FUT8: variants seen among roughly 807,000 people sequenced by gnomAD.
FUT8 encodes alpha-(1,6)-fucosyltransferase.
FUT8 carries 29 observed loss-of-function variants against 71.3 expected under a neutral mutation model. The observed-to-expected ratio is 0.41, with a 90% CI of 0.30 to 0.55. FUT8 has a LOEUF of 0.55. FUT8 is among the 20% of genes least tolerant of loss of function. The pLI is 0.34. For missense variants in FUT8, 544 were observed against 702.1 expected, an observed-to-expected ratio of 0.77 and a Z score of 2.55; for synonymous variants, 254 against 239.3, an observed-to-expected ratio of 1.06 and a Z score of -0.57.
intron 6 of FUT8, among the ~76,000 whole-genome samples, chr14:65,663,471 CT>C (rs1342017235): frequency 9.2e-5 from 14 of 151,688 alleles, no homozygotes; most frequent in African/African-American, 3.4e-4. Flanking sequence ...TTTTCTGGAA[CT>C]TTTATGAGCA....
chr14:65,378,077 AC>A, the FUT8 span, among the ~76,000 whole-genome samples: 1 of 152,232 alleles, frequency 6.6e-6, no homozygotes. Flanking sequence ...ATCAGCTGTT[AC>A]TTATTATTTA....
chr14:65,428,935 A>G (rs2065428105), intron 1 of FUT8, among the ~76,000 whole-genome samples: 1 of 152,222 alleles, frequency 6.6e-6, no homozygotes, highest in Admixed American at 6.5e-5. Flanking sequence ...AGAAGAACGA[A>G]GGAAAGTGCA....
intron 9 of FUT8, 50 bp from the exon 10 acceptor site, chr14:65,733,181 T>A: frequency 8.3e-7 from 1 of 1,211,726 alleles, no homozygotes; most frequent in Non-Finnish European, 1.2e-6. Context: ...TGCCTTCTGA[T>A]AGGATACTGT....
intron 3 of FUT8, among the ~76,000 whole-genome samples, chr14:65,597,092 AT>A (rs1888020354): frequency 6.6e-6 from 1 of 152,238 alleles, no homozygotes; most frequent in East Asian, 1.9e-4. Context: ...TTATGGTACT[AT>A]TGTTATTTTC....
chr14:65,627,732 G>A lies in FUT8; in HGVS notation c.483-1760G>A, dbSNP rs11158604. 0.69 allele frequency among the ~76,000 whole-genome samples: 105,177 copies of A among 152,058 alleles called. 36,642 individuals carry two copies. The highest frequency in any genetic ancestry group is 0.89 in the East Asian group (4,594 of 5,178). ...AGTCTGCCATTTTGCCTCTTAGTAC[G>A]CGTTTGAGCCAACTCACACAACTCT... On this transcript the variant is annotated intron_variant, in intron 5 of 10. Coordinates refer to ENST00000673929, the MANE Select transcript of FUT8 (RefSeq NM_001371533.1). The surrounding 1 kb of genome is among the most constrained non-coding windows in gnomAD (Gnocchi z 4.0).
chr14:65,559,744 T>C (rs1216666602), intron 2 of FUT8, among the ~76,000 whole-genome samples: 1 of 152,150 alleles, frequency 6.6e-6, no homozygotes, highest in Non-Finnish European at 1.5e-5. Context: ...GCCCTGGATT[T>C]CTGTATTTTT....
At chr14:65,628,903 A>C (rs1446566771) in intron 5 of FUT8, among the ~76,000 whole-genome samples, 1 of 152,218 alleles carries the variant, frequency 6.6e-6, no homozygotes. Flanking sequence ...ATTCATTTGC[A>C]TATTATCTAT....
At chr14:65,457,078 G>C (rs1794097634) in intron 2 of FUT8, among the ~76,000 whole-genome samples, 1 of 152,000 alleles carries the variant, frequency 6.6e-6, no homozygotes, top group South Asian at 2.1e-4. Flanking sequence ...AGTCAACTAA[G>C]TAAGGTTAAC....
At chr14:65,549,659 T>C (rs1175624243) in intron 2 of FUT8, among the ~76,000 whole-genome samples, 2 of 152,358 alleles carry the variant, frequency 1.3e-5, no homozygotes, top group Middle Eastern at 3.4e-3. Context: ...TTTGCCTAAC[T>C]AATGATGATG....
intron 7 of FUT8, among the ~76,000 whole-genome samples, chr14:65,681,079 C>T (rs1338001138): frequency 6.6e-6 from 1 of 152,148 alleles, no homozygotes; most frequent in Non-Finnish European, 1.5e-5. Flanking sequence ...GTGATATTTC[C>T]CTCCAATTGT....
At chr14:65,497,827 A>G (rs2066582800) in intron 2 of FUT8, among the ~76,000 whole-genome samples, 1 of 152,116 alleles carries the variant, frequency 6.6e-6, no homozygotes, top group Non-Finnish European at 1.5e-5. Context: ...TTACTATAAA[A>G]TATGTCATAT....
chr14:65,650,799 T>G (rs1891370317), intron 6 of FUT8, among the ~76,000 whole-genome samples: 1 of 151,616 alleles, frequency 6.6e-6, no homozygotes. Context: ...TTCCTATATA[T>G]CCCAGCCAAG....
chr14:65,376,108 AAAAT>A, the FUT8 span, among the ~76,000 whole-genome samples: 2 of 151,700 alleles, frequency 1.3e-5, no homozygotes, highest in African/African-American at 2.4e-5. Context: ...AAAAAATAAT[AAAAT>A]AAATAAAATA....
intron 2 of FUT8, among the ~76,000 whole-genome samples, chr14:65,513,734 T>TC (rs1026929240): frequency 6.6e-6 from 1 of 151,952 alleles, no homozygotes. Flanking sequence ...GGAGAAAACT[T>TC]TATTTTCAGA....
At chr14:65,410,079 G>A (rs1219345089), upstream of FUT8, among the ~76,000 whole-genome samples, 1 of 152,202 alleles carries the variant, frequency 6.6e-6, no homozygotes, top group African/African-American at 2.4e-5. Context: ...GATACTTTCT[G>A]ATGGCCAGTG....
intron 1 of FUT8, among the ~76,000 whole-genome samples, chr14:65,424,132 C>A (rs1163706013): frequency 1.3e-5 from 2 of 152,182 alleles, no homozygotes; most frequent in Non-Finnish European, 2.9e-5. Flanking sequence ...CATAATGAAA[C>A]CGCGAGAGAT....
At chr14:65,614,192 T>C (rs941307730) in intron 3 of FUT8, among the ~76,000 whole-genome samples, 1 of 151,850 alleles carries the variant, frequency 6.6e-6, no homozygotes, top group African/African-American at 2.4e-5. Context: ...TCCCTTAAAC[T>C]GGTCATGATG....
chr14:65,548,782 TA>T (rs1885120409), intron 2 of FUT8, among the ~76,000 whole-genome samples: 1 of 151,904 alleles, frequency 6.6e-6, no homozygotes, highest in Non-Finnish European at 1.5e-5. Flanking sequence ...GTTAAAAGAA[TA>T]AAAAGATAAG....
At chr14:65,595,934 A>G (rs1337358785) in intron 3 of FUT8, among the ~76,000 whole-genome samples, 1 of 152,138 alleles carries the variant, frequency 6.6e-6, no homozygotes, top group Non-Finnish European at 1.5e-5. Flanking sequence ...TATTATTTCT[A>G]GCCTAAAACA....
Sources: gnomAD v4.1 joint callset for allele counts (sites outside exome capture counted in the v4.1 genomes callset) on GRCh38, gnomAD v4.1.1 for gene constraint, Gnocchi (gnomAD v3.1) non-coding constraint, MANE v1.5 for transcripts, NCBI Gene and HGNC (gene_info 2026-07-23, HGNC 2026-07-21) for gene names.